Variants in DLG2 observed in about 807,000 individuals in gnomAD.
DLG2 encodes discs large MAGUK scaffold protein 2.
Under a neutral mutation model 132.5 loss-of-function variants are expected in DLG2, and 45 were observed. The observed-to-expected ratio is 0.34, with a 90% confidence interval of 0.27 to 0.44. The LOEUF is 0.44. Among genes scored for constraint, DLG2 ranks in the 20% least tolerant of loss-of-function variants. The pLI, the probability that DLG2 is intolerant of heterozygous loss-of-function variation, is 1.00. For synonymous variants in DLG2, 424 were observed against 419.6 expected (o/e 1.01, Z -0.13); for missense variants, 1,045 against 1,196.9 (o/e 0.87, Z 1.87).
chr11:85,145,986 C>A (rs1011429820), intron 5 of DLG2, among the ~76,000 whole-genome samples: 5 of 152,050 alleles, frequency 3.3e-5, no homozygotes, highest in African/African-American at 1.2e-4. Context: ...AGAAGGGTTT[C>A]CAGGTATTCA....
intron 6 of DLG2, among the ~76,000 whole-genome samples, chr11:84,602,571 T>C (rs1468594743): frequency 2.6e-5 from 4 of 152,034 alleles, no homozygotes; most frequent in East Asian, 1.9e-4. Context: ...GTAAACCATA[T>C]ACCAGTGATC....
intron 18 of DLG2, among the ~76,000 whole-genome samples, chr11:83,753,884 C>CATATATATGAT (rs1201224888): frequency 5.3e-5 from 1 of 18,758 alleles, no homozygotes; most frequent in African/African-American, 7.3e-4. Context: ...TGATATATAT[C>CATATATATGAT]ATATATATCA....
intron 7 of DLG2, among the ~76,000 whole-genome samples, chr11:84,266,959 C>T (rs763014319): frequency 6.6e-6 from 1 of 152,188 alleles, no homozygotes; most frequent in Non-Finnish European, 1.5e-5. Context: ...TCTTGCCCTG[C>T]AAGGAATTCA....
chr11:84,319,958 G>C (rs1392288356), intron 7 of DLG2, among the ~76,000 whole-genome samples: 1 of 152,048 alleles, frequency 6.6e-6, no homozygotes, highest in African/African-American at 2.4e-5. Context: ...GCTTTCTGAG[G>C]ACAGCCCACT....
intron 18 of DLG2, among the ~76,000 whole-genome samples, chr11:83,640,760 G>A (rs1360919195): frequency 6.6e-6 from 1 of 152,084 alleles, no homozygotes; most frequent in Admixed American, 6.6e-5. Flanking sequence ...CTTTTTAGAT[G>A]GTAACAGGAT....
At chr11:84,049,860 T>C (rs777379669) in intron 11 of DLG2, among the ~76,000 whole-genome samples, 1 of 151,804 alleles carries the variant, frequency 6.6e-6, no homozygotes, top group Non-Finnish European at 1.5e-5. Context: ...GATAGCTTTA[T>C]GGAGAAGTTA....
chr11:84,543,342 G>A (rs1000507000), intron 6 of DLG2, among the ~76,000 whole-genome samples: 2 of 152,126 alleles, frequency 1.3e-5, no homozygotes, highest in African/African-American at 4.8e-5. Flanking sequence ...TCCTCAAGGT[G>A]ACCTCCTGAC....
At chr11:84,918,337 A>G (rs2092590228) in intron 6 of DLG2, among the ~76,000 whole-genome samples, 1 of 117,692 alleles carries the variant, frequency 8.5e-6, no homozygotes, top group African/African-American at 3.0e-5. Flanking sequence ...TGATGGAGAA[A>G]TTGTACTCAC....
intron 7 of DLG2, among the ~76,000 whole-genome samples, chr11:84,335,546 T>C (rs1184476168): frequency 6.6e-6 from 1 of 152,210 alleles, no homozygotes; most frequent in African/African-American, 2.4e-5. Context: ...ATATACATGC[T>C]GATGATTTAC....
At chr11:83,700,551 G>A (rs972787565) in intron 18 of DLG2, among the ~76,000 whole-genome samples, 1 of 152,104 alleles carries the variant, frequency 6.6e-6, no homozygotes, top group African/African-American at 2.4e-5. Flanking sequence ...ATACCAGATC[G>A]ATCCATGACT....
intron 6 of DLG2, among the ~76,000 whole-genome samples, chr11:84,668,328 T>C (rs1272503214): frequency 1.3e-5 from 2 of 152,206 alleles, no homozygotes; most frequent in Non-Finnish European, 2.9e-5. Context: ...AGTGTGTTTG[T>C]AGCTTTTGTT....
intron 9 of DLG2, among the ~76,000 whole-genome samples, chr11:84,161,104 T>A (rs1328257537): frequency 6.6e-6 from 1 of 152,176 alleles, no homozygotes; most frequent in Non-Finnish European, 1.5e-5. Context: ...TCTAGCCATA[T>A]CCAGTTGCTG....
At chr11:84,786,021 G>T (rs548656391) in intron 6 of DLG2, among the ~76,000 whole-genome samples, 1 of 152,046 alleles carries the variant, frequency 6.6e-6, no homozygotes, top group Non-Finnish European at 1.5e-5. Flanking sequence ...AACCACACTG[G>T]AAACACTACA....
intron 3 of DLG2, among the ~76,000 whole-genome samples, chr11:85,508,356 C>G (rs182910499): frequency 5.9e-5 from 9 of 152,138 alleles, no homozygotes; most frequent in Admixed American, 5.9e-4. Flanking sequence ...ACTCCTGCCA[C>G]AAGGCCCTTG....
chr11:85,283,362 A>C (rs58464081), intron 4 of DLG2, among the ~76,000 whole-genome samples: 6,491 of 151,958 alleles, frequency 0.043, 181 homozygotes, highest in East Asian at 0.096. Flanking sequence ...CCTAGAATGA[A>C]GAAAGATAAA....
chr11:85,075,909 G>A (rs1385753387), intron 6 of DLG2, among the ~76,000 whole-genome samples: 2 of 151,910 alleles, frequency 1.3e-5, no homozygotes, highest in African/African-American at 4.8e-5. Flanking sequence ...GTAGAATGTA[G>A]TCATGTGTTA....
chr11:84,358,210 G>T (rs1022661811), intron 7 of DLG2, among the ~76,000 whole-genome samples: 1 of 151,862 alleles, frequency 6.6e-6, no homozygotes, highest in Non-Finnish European at 1.5e-5. Flanking sequence ...TATGTCCTTT[G>T]CAGTGGCCTT....
intron 7 of DLG2, among the ~76,000 whole-genome samples, chr11:84,439,194 C>G (rs2099010091): frequency 6.6e-6 from 1 of 152,188 alleles, no homozygotes; most frequent in Non-Finnish European, 1.5e-5. Flanking sequence ...CTGACCCTGA[C>G]TTTGCTTCTA....
chr11:83,883,547 T>C (rs1042404764), intron 15 of DLG2, among the ~76,000 whole-genome samples: 8 of 152,298 alleles, frequency 5.3e-5, no homozygotes, highest in African/African-American at 1.4e-4. Context: ...CTAATCTCCA[T>C]GAAAAACTCT....
Sources: gnomAD v4.1 joint callset for allele counts (sites outside exome capture counted in the v4.1 genomes callset) on GRCh38, gnomAD v4.1.1 for gene constraint, MANE v1.5 for transcripts, NCBI Gene and HGNC (gene_info 2026-07-23, HGNC 2026-07-21) for gene names.